The following DMKN variants were observed in gnomAD, a reference collection of about 807,000 sequenced individuals.
DMKN encodes the protein epidermis-specific secreted protein SK30/SK89.
Under a neutral mutation model 67.6 loss-of-function variants are expected in DMKN, and 58 were observed. The ratio of observed to expected loss-of-function variants is 0.86; its 90% CI spans 0.69 to 1.07. DMKN has a LOEUF of 1.07. DMKN is among the 50% of genes least tolerant of loss of function. DMKN has a pLI of 0.00. For missense variants in DMKN, 596 were observed against 601.5 expected, an observed-to-expected ratio of 0.99 and a Z score of 0.10; for synonymous variants, 240 against 232.3, an observed-to-expected ratio of 1.03 and a Z score of -0.30.
intron 7 of DMKN, chr19:35,506,521 T>C (rs780082902): frequency 4.0e-6 from 2 of 503,650 alleles, no homozygotes; most frequent in Non-Finnish European, 7.8e-6. Flanking sequence ...TTATGCAGCA[T>C]CTGTCTCCAG....
intron 1 of DMKN, 35 bp from the exon 2 acceptor site, chr19:35,512,825 A>G (rs2071053912): frequency 1.3e-6 from 2 of 1,598,648 alleles, no homozygotes; most frequent in Admixed American, 1.7e-5. Context: ...TAGTGGGACC[A>G]TCTCTGACCC....
chr19:35,512,742 C>A lies in DMKN; in HGVS notation c.475G>T (p.Gly159Cys), dbSNP rs1180686499. The A allele has an allele frequency of 6.2e-7, 1 of 1,614,114 alleles. No individual in the cohort carries two copies. Among genetic ancestry groups the A allele is most frequent in the East Asian group, 2.2e-5 (1 of 44,868 alleles). The change falls in exon 2 of 16, where the codon GGC (glycine) becomes TGC (cysteine). Residue 159 changes from glycine to cysteine, a missense_variant. Gly to Cys is a radical substitution (Grantham distance 159). Transcript: ENST00000339686. ...CCTCCAGGATTGCCCTGGCCCTGGC[C>A]TCCAAGGCCACCTTGAGAGCCAAAG... is the stretch of plus-strand genomic sequence containing the variant. The part of the protein sequence containing the change: ...GIFGSQGGLG[G>C]QGQGNPGGLG...
At chr19:35,502,076 G>A in intron 11 of DMKN, 60 bp downstream of exon 11, 1 of 1,611,512 alleles carries the variant, frequency 6.2e-7, no homozygotes, top group Non-Finnish European at 8.5e-7. Flanking sequence ...ACCTGGGTCA[G>A]CGGCTCGCCC....
chr19:35,499,566 T>C (rs1722218094), intron 13 of DMKN, among the ~76,000 whole-genome samples: 2 of 152,236 alleles, frequency 1.3e-5, no homozygotes, highest in Non-Finnish European at 2.9e-5. Flanking sequence ...TTCCTCGCCC[T>C]CCATTCCATC....
Position 35,505,741 on chromosome 19 carries a change from T to C in DMKN, c.1111A>G (p.Ile371Val). Residue 371 changes from isoleucine to valine, a missense_variant, in exon 9 of 16, where the codon ATC becomes GTC. By Grantham distance (29) the Ile-to-Val change is conservative. Transcript: ENST00000339686. ...WKNFKSKLGF[I>V]NWDAINKNQV... ...ACCTTGTTTATGGCATCCCAGTTGA[T>C]GAAACCCAGCTTGGATTTAAAATTC... 2 of 1,614,192 alleles carry C rather than the reference T, an allele frequency of 1.2e-6. No individual in the cohort carries two copies. The highest frequency in any genetic ancestry group is 1.7e-6 in the Non-Finnish European group (2 of 1,180,046).
chr19:35,510,041 C>T (rs2070429551), intron 6 of DMKN, 80 bp from the exon 7 acceptor site: 2 of 1,594,414 alleles, frequency 1.3e-6, no homozygotes, highest in African/African-American at 2.7e-5. Context: ...GCATTTTAAC[C>T]CTGGGGCGAG....
Position 35,498,750 on chromosome 19 carries a change from T to G in DMKN, c.1397A>C (p.Gln466Pro). Residue 466 changes from glutamine (Q) to proline (P), a missense_variant, in exon 15 of 16, where the codon CAA (glutamine) becomes CCA (proline). Gln to Pro is a moderately conservative substitution (Grantham distance 76). Coordinates refer to ENST00000339686, the MANE Select transcript of DMKN (RefSeq NM_033317.5). ...VSPSSSASRV[Q>P]PGLLQWVKFW is the part of the protein sequence containing the mutation. ...CTTCACCCACTGCAGCAGGCCAGGT[T>G]GCACCCGGGAAGCCTGCCAGAAAAA... is the stretch of plus-strand genomic sequence containing the variant. The G allele has an allele frequency of 6.2e-7, 1 of 1,614,164 alleles. No individual in the cohort carries two copies. The highest frequency in any genetic ancestry group is 1.7e-4 in the Middle Eastern group (1 of 6,060).
At chr19:35,507,790 C>T (rs549262679) in intron 7 of DMKN, 17 of 457,386 alleles carry the variant, frequency 3.7e-5, no homozygotes, top group East Asian at 3.3e-4. Context: ...TTCTGCAAGC[C>T]GCCCAAAATC....
Position 35,511,483 on chromosome 19 carries a change from A to ACTGCTGCTGCCACTG in DMKN, c.845_846insCAGTGGCAGCAGCAG (p.Ser282_Gly283insSerGlySerSerSer), listed in dbSNP as rs749001241. 5.5e-6 allele frequency: 6 copies of ACTGCTGCTGCCACTG among 1,097,856 alleles called. No individual in the cohort carries two copies. In the African/African-American group the frequency reaches 1.1e-4, roughly 20 times the overall value. The allele number at this position is 1,097,856 out of a possible 1,614,324, so 68.0% of individuals were successfully genotyped here. On this transcript the variant is annotated inframe_insertion, in exon 5 of 16. Transcript: ENST00000339686. Reference sequence around the variant, plus strand: ...CACTGCTGCCACCACTGCTGCCGCCACTGCTGCCGCCACTGCTGCTGCCAC... The same window carrying ACTGCTGCTGCCACTG: ...CACTGCTGCCACCACTGCTGCCGCCACTGCTGCTGCCACTGCTGCTGCCGCCACTGCTGCTGCCAC...
At chr19:35,499,335 T>C (rs908937945) in intron 13 of DMKN, 7 of 216,618 alleles carry the variant, frequency 3.2e-5, no homozygotes, top group Admixed American at 5.3e-5. Flanking sequence ...GCGGGGACTT[T>C]ATTGTCATGA....
Position 35,500,033 on chromosome 19 carries a change from T to G in DMKN, c.1288-4A>C, listed in dbSNP as rs530046970. The G allele has an allele frequency of 8.7e-6, 14 of 1,614,092 alleles. No individual in the cohort carries two copies. Among genetic ancestry groups the G allele is most frequent in the Non-Finnish European group, 1.0e-5 (12 of 1,180,046 alleles). Reference sequence around the variant, plus strand: ...CATGCTGGTTGTAATTGTAGTTCTGTGGAAGAAGTGGGCATGGCGGTTAGA... The same window carrying G: ...CATGCTGGTTGTAATTGTAGTTCTGGGGAAGAAGTGGGCATGGCGGTTAGA... On this transcript the variant is annotated splice_region_variant and splice_polypyrimidine_tract_variant and intron_variant, in intron 12 of 15. Transcript: ENST00000339686.
intron 13 of DMKN, chr19:35,499,402 T>G: frequency 5.4e-6 from 1 of 183,944 alleles, no homozygotes; most frequent in Non-Finnish European, 1.1e-5. Flanking sequence ...ACTTAGCATA[T>G]TCATTTACTG....
chr19:35,508,435 G>A, intron 7 of DMKN: 2 of 578,100 alleles, frequency 3.5e-6, no homozygotes, highest in Non-Finnish European at 6.0e-6. Context: ...AAAGATAAAT[G>A]GTAAGTGAAG....
chr19:35,506,714 T>C (rs1318359105), intron 7 of DMKN: 3 of 332,210 alleles, frequency 9.0e-6, no homozygotes, highest in Non-Finnish European at 1.8e-5. Flanking sequence ...TTTTAATATA[T>C]ATCTTAAATT....
intron 9 of DMKN, chr19:35,503,177 C>CA (rs2068720614): frequency 7.4e-7 from 1 of 1,345,796 alleles, no homozygotes; most frequent in Admixed American, 2.9e-5. Context: ...GGACCTGCCT[C>CA]AGAGTGTCCC....
intron 8 of DMKN, 24 bp from the exon 9 acceptor site, chr19:35,505,789 A>G: frequency 1.2e-6 from 2 of 1,614,214 alleles, no homozygotes; most frequent in Non-Finnish European, 1.7e-6. Context: ...AAAAAGAAGA[A>G]TGGCCAAATT....
chr19:35,510,034 T>A, intron 6 of DMKN, 73 bp from the exon 7 acceptor site: 5 of 1,602,598 alleles, frequency 3.1e-6, no homozygotes, highest in Non-Finnish European at 4.3e-6. Context: ...AATGGCAGCA[T>A]TTTAACCCTG....
chr19:35,503,298 C>T (rs1389609362), intron 9 of DMKN: 1 of 1,522,790 alleles, frequency 6.6e-7, no homozygotes, highest in Admixed American at 2.2e-5. Context: ...GAGCAGAGGC[C>T]AGGAGTGTGG....
intron 3 of DMKN, 52 bp downstream of exon 3, chr19:35,512,369 T>C (rs2146242769): frequency 6.2e-7 from 1 of 1,601,630 alleles, no homozygotes; most frequent in South Asian, 1.1e-5. Context: ...CCCAGCTCTC[T>C]GTAGCCTGCA....
Sources: allele counts gnomAD v4.1 joint callset (sites outside exome capture counted in the v4.1 genomes callset), GRCh38; gene constraint gnomAD v4.1.1; transcripts MANE v1.5; gene names NCBI Gene and HGNC (gene_info 2026-07-23, HGNC 2026-07-21).